The following MARCHF1 variants were observed in gnomAD, a reference collection of about 807,000 sequenced individuals.
MARCHF1 encodes membrane associated ring-CH-type finger 1.
Under a neutral mutation model 54.2 loss-of-function variants are expected in MARCHF1, and 40 were observed. The observed-to-expected ratio is 0.74, with a 90% CI of 0.57 to 0.96. MARCHF1 has a LOEUF of 0.96. Among genes scored for constraint, MARCHF1 ranks in the 40% least tolerant of loss-of-function variants. The pLI is 0.00. For missense variants in MARCHF1, 586 were observed against 656.5 expected (o/e 0.89, Z 1.17); for synonymous variants, 236 against 236.3 (o/e 1.00, Z 0.01).
At chr4:163,678,110 T>C (rs190502898) in intron 5 of MARCHF1, among the ~76,000 whole-genome samples, 17 of 152,328 alleles carry the variant, frequency 1.1e-4, no homozygotes, top group Admixed American at 9.8e-4. Flanking sequence ...AGTGCAACTA[T>C]AAGCTAAAAC....
intron 4 of MARCHF1, among the ~76,000 whole-genome samples, chr4:163,784,645 A>G (rs1747566204): frequency 6.6e-6 from 1 of 152,128 alleles, no homozygotes; most frequent in African/African-American, 2.4e-5. Flanking sequence ...TAATATGATA[A>G]TTCACTTATT....
chr4:164,252,948 A>C (rs1225238219), intron 1 of MARCHF1, among the ~76,000 whole-genome samples: 1 of 152,174 alleles, frequency 6.6e-6, no homozygotes, highest in Non-Finnish European at 1.5e-5. Flanking sequence ...TTGAAGAAAT[A>C]AGCCTGAGAA....
chr4:163,681,493 A>G (rs556238340), intron 5 of MARCHF1, among the ~76,000 whole-genome samples: 2 of 152,268 alleles, frequency 1.3e-5, no homozygotes, highest in South Asian at 2.1e-4. Flanking sequence ...CATAATCCCC[A>G]TATGTCATGG....
At chr4:164,021,588 TCTC>T (rs915864085) in intron 2 of MARCHF1, among the ~76,000 whole-genome samples, 2 of 5,596 alleles carry the variant, frequency 3.6e-4, no homozygotes, top group Non-Finnish European at 0.034. Flanking sequence ...CAAAATATTT[TCTC>T]CTAAGTCCTT....
intron 4 of MARCHF1, among the ~76,000 whole-genome samples, chr4:163,791,944 C>T (rs1304139522): frequency 6.6e-6 from 1 of 152,172 alleles, no homozygotes; most frequent in East Asian, 1.9e-4. Context: ...GTTCTAAGAT[C>T]CCTCAAACTG....
At chr4:164,114,908 T>C (rs575255265) in intron 1 of MARCHF1, among the ~76,000 whole-genome samples, 1 of 151,808 alleles carries the variant, frequency 6.6e-6, no homozygotes, top group Non-Finnish European at 1.5e-5. Flanking sequence ...CCCACTTCCA[T>C]GTCAATGACT....
intron 4 of MARCHF1, among the ~76,000 whole-genome samples, chr4:163,769,988 G>C: frequency 6.6e-6 from 1 of 151,992 alleles, no homozygotes; most frequent in Admixed American, 6.6e-5. Flanking sequence ...AAGACAATGA[G>C]AATAAAGACC....
At chr4:164,335,435 A>G (rs894718186) in intron 1 of MARCHF1, among the ~76,000 whole-genome samples, 3 of 152,180 alleles carry the variant, frequency 2.0e-5, no homozygotes, top group Non-Finnish European at 4.4e-5. Context: ...ACGAAAAATT[A>G]ACTGGGCGTG....
intron 4 of MARCHF1, among the ~76,000 whole-genome samples, chr4:163,777,151 GT>G (rs1747331308): frequency 6.6e-6 from 1 of 152,156 alleles, no homozygotes; most frequent in Admixed American, 6.5e-5. Context: ...AATGAATCAT[GT>G]TTAAGTTGCA....
chr4:163,673,755 C>T (rs1743811923), intron 5 of MARCHF1, among the ~76,000 whole-genome samples: 1 of 152,108 alleles, frequency 6.6e-6, no homozygotes, highest in South Asian at 2.1e-4. Context: ...TGGAATCTGT[C>T]TGAATATAAT....
At chr4:164,162,552 T>C (rs867155531) in intron 1 of MARCHF1, among the ~76,000 whole-genome samples, 1 of 152,110 alleles carries the variant, frequency 6.6e-6, no homozygotes, top group African/African-American at 2.4e-5. Flanking sequence ...TATTTGAACA[T>C]ATTTGGAAAC....
intron 3 of MARCHF1, among the ~76,000 whole-genome samples, chr4:163,980,809 T>C (rs1462304847): frequency 1.3e-5 from 2 of 152,254 alleles, no homozygotes; most frequent in Non-Finnish European, 2.9e-5. Context: ...TAAAGGTTTG[T>C]AAAATTTGCA....
chr4:163,589,147 A>T (rs1740504887), intron 7 of MARCHF1, among the ~76,000 whole-genome samples: 1 of 151,756 alleles, frequency 6.6e-6, no homozygotes, highest in Non-Finnish European at 1.5e-5. Flanking sequence ...AATGCTCTAC[A>T]GGCACCAAAA....
intron 5 of MARCHF1, among the ~76,000 whole-genome samples, chr4:163,629,764 T>A (rs1742006604): frequency 6.6e-6 from 1 of 152,206 alleles, no homozygotes; most frequent in African/African-American, 2.4e-5. Context: ...GAAACCACCG[T>A]GGCACGTGTA....
At chr4:163,721,933 A>C (rs1037221046) in intron 4 of MARCHF1, among the ~76,000 whole-genome samples, 1 of 151,936 alleles carries the variant, frequency 6.6e-6, no homozygotes, top group Non-Finnish European at 1.5e-5. Flanking sequence ...CCTCTTTATT[A>C]GTCTTGCTAG....
chr4:163,725,306 T>A (rs967521627), intron 4 of MARCHF1, among the ~76,000 whole-genome samples: 5 of 151,940 alleles, frequency 3.3e-5, no homozygotes, highest in Non-Finnish European at 7.4e-5. Context: ...TGAAACCCCA[T>A]CTCCACAAAA....
At position 164,076,984 on chromosome 4, in the gene MARCHF1, C is replaced by A. The variant is rs574948163; in HGVS notation, c.-248+34604G>T. On this transcript the variant is annotated intron_variant, in intron 2 of 9. Transcript: ENST00000514618. The stretch of plus-strand genomic sequence containing the variant: ...ATTAATTTATAGATTCAATAATATC[C>A]CCATCAAGCACCATAGACTTTCTTC... Among the ~76,000 whole-genome samples the A allele has an allele frequency of 5.1e-4, 77 of 152,152 alleles. 1 individual carries two copies. The highest frequency in any genetic ancestry group is 1.7e-3 in the African/African-American group (72 of 41,514).
chr4:163,953,592 C>T (rs942913021), intron 3 of MARCHF1, among the ~76,000 whole-genome samples: 1 of 151,906 alleles, frequency 6.6e-6, no homozygotes, highest in Non-Finnish European at 1.5e-5. Context: ...TCTAATAAAC[C>T]CATAGTCAAT....
chr4:163,869,743 T>C (rs1750130642), intron 3 of MARCHF1, among the ~76,000 whole-genome samples: 1 of 152,122 alleles, frequency 6.6e-6, no homozygotes, highest in Non-Finnish European at 1.5e-5. Flanking sequence ...GACTATTCTA[T>C]ATTACATGGA....
Sources: gnomAD v4.1 joint callset for allele counts (sites outside exome capture counted in the v4.1 genomes callset) on GRCh38, gnomAD v4.1.1 for gene constraint, MANE v1.5 for transcripts, NCBI Gene and HGNC (gene_info 2026-07-23, HGNC 2026-07-21) for gene names.